The following SPATS2 variants were observed in gnomAD, a reference collection of about 807,000 sequenced individuals.
SPATS2 encodes spermatogenesis-associated serine-rich protein 2.
A neutral mutation model predicts 63.7 loss-of-function variants in SPATS2; 38 were observed. The ratio of observed to expected loss-of-function variants is 0.60; its 90% confidence interval spans 0.46 to 0.78. The LOEUF is 0.78. Ranked by LOEUF, SPATS2 falls within the 30% of genes least tolerant of loss-of-function variation. SPATS2 has a pLI of 0.00. For missense variants in SPATS2, 588 were observed against 666.2 expected (o/e 0.88, Z 1.29); for synonymous variants, 207 against 232.9 (o/e 0.89, Z 1.01).
rs546918235 is a variant in SPATS2 at position 49,414,359 on chromosome 12, C to T, written c.-244+43069C>T. On this transcript the variant is annotated intron_variant, in intron 2 of 13. Coordinates refer to ENST00000552918, the MANE Select transcript of SPATS2 (RefSeq NM_023071.4). ...TTTGTTTGAAACAATCTATGAGGTACCACCTTAAATGTCTTTGACATCTGA... is the reference window on the plus strand; with the variant it reads ...TTTGTTTGAAACAATCTATGAGGTATCACCTTAAATGTCTTTGACATCTGA... Among the ~76,000 whole-genome samples, 7 of 152,020 alleles carry T rather than the reference C, an allele frequency of 4.6e-5. No homozygotes were observed. The South Asian group carries it at 1.3e-3, about 27-fold the overall frequency.
chr12:49,442,785 T>TAAAAAAAAAAAAAA (rs1945442679), intron 2 of SPATS2: 3 of 62,920 alleles, frequency 4.8e-5, no homozygotes, highest in African/African-American at 1.3e-4. Flanking sequence ...CCATGTCTCC[T>TAAAAAAAAAAAAAA]TAAAAAAAAA....
chr12:49,380,770 AC>A (rs1312422772), intron 2 of SPATS2, among the ~76,000 whole-genome samples: 1 of 151,912 alleles, frequency 6.6e-6, no homozygotes, highest in Non-Finnish European at 1.5e-5. Context: ...ACCTTTGCCT[AC>A]TGTGAAGAAG....
At chr12:49,476,462 A>T (rs1946119827) in intron 3 of SPATS2, among the ~76,000 whole-genome samples, 1 of 152,204 alleles carries the variant, frequency 6.6e-6, no homozygotes, top group African/African-American at 2.4e-5. Context: ...AAGAAACCCC[A>T]GGATACAGAA....
intron 2 of SPATS2, among the ~76,000 whole-genome samples, chr12:49,390,373 C>T (rs7488206): frequency 0.092 from 14,019 of 152,220 alleles, 752 homozygotes; most frequent in African/African-American, 0.14. Context: ...CCATTGCCAA[C>T]TGGTAAAGAA....
chr12:49,494,328 C>T (rs1946430603), intron 6 of SPATS2, among the ~76,000 whole-genome samples: 1 of 152,148 alleles, frequency 6.6e-6, no homozygotes, highest in Non-Finnish European at 1.5e-5. Flanking sequence ...TTATATATCT[C>T]TTATTAGACT....
intron 3 of SPATS2, 155 bp downstream of exon 3, chr12:49,461,192 GAATT>G (rs2137678645): frequency 2.7e-6 from 2 of 744,950 alleles, no homozygotes; most frequent in African/African-American, 1.8e-5. Context: ...ACTAGTCTGG[GAATT>G]AATTCATATA....
chr12:49,455,886 T>C (rs1565730869), intron 2 of SPATS2, among the ~76,000 whole-genome samples: 1 of 152,204 alleles, frequency 6.6e-6, no homozygotes. Flanking sequence ...CCTCCCAAAG[T>C]GCTGGGACTA....
At chr12:49,384,426 C>T (rs1033726413) in intron 2 of SPATS2, among the ~76,000 whole-genome samples, 2 of 152,194 alleles carry the variant, frequency 1.3e-5, no homozygotes, top group East Asian at 1.9e-4. Flanking sequence ...TAGTCCCATT[C>T]CCCATACATG....
intron 2 of SPATS2, among the ~76,000 whole-genome samples, chr12:49,440,073 G>A (rs535277823): frequency 1.4e-4 from 22 of 152,286 alleles, no homozygotes; most frequent in African/African-American, 5.3e-4. Flanking sequence ...GCTTTCTTTA[G>A]CACCAAATGT....
intron 2 of SPATS2, among the ~76,000 whole-genome samples, chr12:49,420,277 C>CA (rs1307480511): frequency 2.0e-5 from 3 of 152,234 alleles, no homozygotes; most frequent in African/African-American, 7.2e-5. Flanking sequence ...AAAAAACAGG[C>CA]AAAAATCTTG....
chr12:49,519,313 A>C, intron 11 of SPATS2, 131 bp downstream of exon 11: 1 of 669,880 alleles, frequency 1.5e-6, no homozygotes, highest in Non-Finnish European at 2.4e-6. Flanking sequence ...CCCTCTTCCA[A>C]GTCCCTTTCT....
chr12:49,438,252 A>G (rs2137536071), intron 2 of SPATS2, among the ~76,000 whole-genome samples: 1 of 152,304 alleles, frequency 6.6e-6, no homozygotes, highest in Non-Finnish European at 1.5e-5. Flanking sequence ...AACAATGCCT[A>G]TGAGATATAG....
At position 49,526,496 on chromosome 12, in the gene SPATS2, C is replaced by A; in HGVS notation, c.*241C>A. Reference sequence around the variant, plus strand: ...GATTGAATCTGGTTGGTCATTTCCACCAGGAATCAGAGGCAGCTGTTACCA... The same window carrying A: ...GATTGAATCTGGTTGGTCATTTCCAACAGGAATCAGAGGCAGCTGTTACCA... On this transcript the variant is annotated 3_prime_UTR_variant, in exon 14 of 14. Transcript: ENST00000552918. The A allele has an allele frequency of 9.6e-6, 5 of 520,704 alleles. No homozygotes were observed. Among genetic ancestry groups the A allele is most frequent in the Non-Finnish European group, 1.6e-5 (5 of 303,386 alleles). 32.3% of individuals were successfully genotyped at this position (520,704 alleles called of 1,614,324 possible).
At chr12:49,438,717 T>C (rs1293637479) in intron 2 of SPATS2, among the ~76,000 whole-genome samples, 1 of 152,214 alleles carries the variant, frequency 6.6e-6, no homozygotes, top group Non-Finnish European at 1.5e-5. Flanking sequence ...TACAGCAAAA[T>C]GCACACATTT....
chr12:49,392,715 A>G (rs917194348), intron 2 of SPATS2, among the ~76,000 whole-genome samples: 3 of 152,082 alleles, frequency 2.0e-5, no homozygotes, highest in Non-Finnish European at 4.4e-5. Flanking sequence ...ACTCCATCTC[A>G]AAAAACAAAC....
At chr12:49,368,983 A>G (rs1378634054) in intron 1 of SPATS2, among the ~76,000 whole-genome samples, 1 of 151,894 alleles carries the variant, frequency 6.6e-6, no homozygotes, top group Non-Finnish European at 1.5e-5. Flanking sequence ...TGAAAATTGA[A>G]CAAAGCAAGA....
chr12:49,490,583 G>A (rs1279151530), intron 5 of SPATS2, 99 bp from the exon 6 acceptor site: 8 of 1,135,038 alleles, frequency 7.0e-6, no homozygotes, highest in African/African-American at 6.2e-5. Context: ...TAGGAGCTTT[G>A]TAAATTCTCC....
At chr12:49,454,542 CT>C (rs1945684550) in intron 2 of SPATS2, among the ~76,000 whole-genome samples, 1 of 152,202 alleles carries the variant, frequency 6.6e-6, no homozygotes, top group African/African-American at 2.4e-5. Flanking sequence ...TGCATACCCT[CT>C]CACCAAAGCT....
At chr12:49,405,432 T>C (rs1179655818) in intron 2 of SPATS2, among the ~76,000 whole-genome samples, 4 of 152,220 alleles carry the variant, frequency 2.6e-5, no homozygotes, top group Non-Finnish European at 5.9e-5. Flanking sequence ...GCACCGTGGC[T>C]CACGCCTGAA....
Sources: allele counts gnomAD v4.1 joint callset (sites outside exome capture counted in the v4.1 genomes callset), GRCh38; gene constraint gnomAD v4.1.1; transcripts MANE v1.5; gene names NCBI Gene and HGNC (gene_info 2026-07-23, HGNC 2026-07-21).